Variants in RALYL observed in about 807,000 individuals in gnomAD.
The protein encoded by RALYL is RALY RNA binding protein like, also known as RNA-binding Raly-like protein.
In RALYL, 29 loss-of-function variants were observed where a neutral mutation model predicts 35.1. That is an observed-to-expected ratio of 0.83 (90% CI 0.61 to 1.13). The LOEUF (loss-of-function observed/expected upper bound fraction) is 1.13, where lower values mean the gene tolerates loss of function less well. Among genes scored for constraint, RALYL ranks in the 50% most tolerant of loss-of-function variants. The probability of loss-of-function intolerance (pLI) is 0.00; values close to 1 mark genes in which losing one functional copy is unlikely to be tolerated. For missense variants in RALYL, 359 were observed against 360.4 expected, an observed-to-expected ratio of 1.00 and a Z score of 0.03; for synonymous variants, 120 against 127.6, an observed-to-expected ratio of 0.94 and a Z score of 0.40.
intron 2 of RALYL, among the ~76,000 whole-genome samples, chr8:84,651,660 A>G (rs991439153): frequency 6.6e-6 from 1 of 152,074 alleles, no homozygotes; most frequent in African/African-American, 2.4e-5. Flanking sequence ...AATTGACAAA[A>G]GTTAAGGTGC....
In RALYL at chr8:84,728,894, G is replaced by A. The variant is rs1373590207; in HGVS notation, c.257-45685G>A. ...TTACTGTAGCCTTGTAGTGTGGTTTGAAGTCAGGTAGCGTGATGCCTCCAG... is the reference window on the plus strand; with the variant it reads ...TTACTGTAGCCTTGTAGTGTGGTTTAAAGTCAGGTAGCGTGATGCCTCCAG... On this transcript the variant is annotated intron_variant, in intron 2 of 8. Coordinates refer to ENST00000521268, the MANE Select transcript of RALYL (RefSeq NM_173848.7). Among the ~76,000 whole-genome samples the A allele has an allele frequency of 2.6e-5, 4 of 152,176 alleles. No homozygotes were observed. The East Asian group carries it at 7.7e-4, about 29-fold the overall frequency.
intron 1 of RALYL, among the ~76,000 whole-genome samples, chr8:84,365,220 G>A (rs183717891): frequency 2.5e-3 from 375 of 152,216 alleles, no homozygotes; most frequent in African/African-American, 7.4e-3. Flanking sequence ...GGGCATACAT[G>A]TATGATACAT....
At chr8:84,244,528 T>C (rs1828682442) in intron 1 of RALYL, among the ~76,000 whole-genome samples, 1 of 152,200 alleles carries the variant, frequency 6.6e-6, no homozygotes. Context: ...GTCACATTTC[T>C]TTAAGCTATT....
intron 2 of RALYL, among the ~76,000 whole-genome samples, chr8:84,603,712 C>A (rs1588453946): frequency 1.3e-5 from 2 of 152,198 alleles, no homozygotes. Flanking sequence ...AAAAAACAGA[C>A]CTAAATAATA....
chr8:84,778,584 G>A (rs1313951904), intron 3 of RALYL, among the ~76,000 whole-genome samples: 2 of 152,204 alleles, frequency 1.3e-5, no homozygotes, highest in Non-Finnish European at 2.9e-5. Context: ...AAAGGAAGAA[G>A]ACAACACTTG....
chr8:84,805,959 G>A (rs567009423), intron 4 of RALYL, among the ~76,000 whole-genome samples: 1 of 152,238 alleles, frequency 6.6e-6, no homozygotes, highest in South Asian at 2.1e-4. Context: ...TCATATATAG[G>A]CAGCCACAAT....
Position 84,190,266 on chromosome 8 carries a change from A to G in RALYL, c.-24+5842A>G, listed in dbSNP as rs549625281. ...TAACACCTCACAATTTTACTGTTAC[A>G]CATATTTGTATGTGACATTTATCAA... is the stretch of plus-strand genomic sequence containing the variant. On this transcript the variant is annotated intron_variant, in intron 1 of 8. Coordinates refer to ENST00000521268, the MANE Select transcript of RALYL (RefSeq NM_173848.7). Among the ~76,000 whole-genome samples, 4 of 152,312 alleles carry G rather than the reference A, an allele frequency of 2.6e-5. No individual in the cohort carries two copies. The South Asian group carries it at 8.3e-4, about 32-fold the overall frequency.
chr8:84,427,366 TG>T (rs1023289855), intron 1 of RALYL, among the ~76,000 whole-genome samples: 2 of 152,186 alleles, frequency 1.3e-5, no homozygotes, highest in Non-Finnish European at 2.9e-5. Context: ...CATTAGTGAT[TG>T]GGAATTTGGT....
chr8:84,622,384 C>T lies in RALYL; in HGVS notation c.256+92807C>T, dbSNP rs562695379. Reference sequence around the variant, plus strand: ...TGTGATTTTCTTTGAGCTCAGAATTCAGCCTCAGATATGAGCATCGTTTAC... The same window carrying T: ...TGTGATTTTCTTTGAGCTCAGAATTTAGCCTCAGATATGAGCATCGTTTAC... On this transcript the variant is annotated intron_variant, in intron 2 of 8. Transcript: ENST00000521268. Among the ~76,000 whole-genome samples the T allele has an allele frequency of 2.4e-3, 366 of 152,258 alleles. 4 individuals are homozygous for T. The highest frequency in any genetic ancestry group is 8.6e-3 in the African/African-American group (356 of 41,546).
At chr8:84,652,538 A>T (rs1004228875) in intron 2 of RALYL, among the ~76,000 whole-genome samples, 1 of 152,038 alleles carries the variant, frequency 6.6e-6, no homozygotes, top group East Asian at 1.9e-4. Flanking sequence ...CTATGTCCCT[A>T]TCTGTGCTTA....
chr8:84,436,668 A>G (rs567242042), intron 1 of RALYL, among the ~76,000 whole-genome samples: 3 of 145,866 alleles, frequency 2.1e-5, no homozygotes, highest in East Asian at 2.1e-4. Context: ...TTATTGGGGT[A>G]TAATTGATAT....
chr8:84,919,009 T>A (rs1291563881), intron 8 of RALYL, among the ~76,000 whole-genome samples: 1 of 152,070 alleles, frequency 6.6e-6, no homozygotes, highest in African/African-American at 2.4e-5. Context: ...AGGTTGTTTT[T>A]TTCATCTTAA....
intron 2 of RALYL, among the ~76,000 whole-genome samples, chr8:84,549,751 G>C (rs1411176141): frequency 6.6e-6 from 1 of 152,170 alleles, no homozygotes; most frequent in African/African-American, 2.4e-5. Context: ...ATCCAGTCTA[G>C]GGTAGGGAGG....
chr8:84,655,102 C>T (rs1829703951), intron 2 of RALYL, among the ~76,000 whole-genome samples: 1 of 152,016 alleles, frequency 6.6e-6, no homozygotes, highest in South Asian at 2.1e-4. Flanking sequence ...CACCAGGATT[C>T]ATTATTGCCT....
intron 2 of RALYL, among the ~76,000 whole-genome samples, chr8:84,734,559 T>C (rs1187617456): frequency 6.6e-6 from 1 of 152,120 alleles, no homozygotes; most frequent in African/African-American, 2.4e-5. Context: ...AAACAGAATT[T>C]TAGAAGCAAT....
chr8:84,517,053 T>C (rs1055595479), intron 1 of RALYL, among the ~76,000 whole-genome samples: 11 of 152,180 alleles, frequency 7.2e-5, no homozygotes, highest in African/African-American at 2.7e-4. Context: ...ATTGTAATGG[T>C]ATCAAATTTG....
chr8:84,665,151 C>A (rs747293798), intron 2 of RALYL, among the ~76,000 whole-genome samples: 1 of 151,846 alleles, frequency 6.6e-6, no homozygotes, highest in Non-Finnish European at 1.5e-5. Context: ...TATGTTGAAC[C>A]AACCTTGCAT....
chr8:84,415,115 G>A (rs1013899993), intron 1 of RALYL, among the ~76,000 whole-genome samples: 1 of 147,648 alleles, frequency 6.8e-6, no homozygotes, highest in Non-Finnish European at 1.5e-5. Flanking sequence ...ATTGAAATTA[G>A]CATTAAGGCA....
At chr8:84,474,944 G>A (rs575159512) in intron 1 of RALYL, among the ~76,000 whole-genome samples, 73 of 140,080 alleles carry the variant, frequency 5.2e-4, no homozygotes, top group Admixed American at 2.3e-3. Flanking sequence ...TAAGTTCTAG[G>A]GTACATGGGC....
Sources: allele counts gnomAD v4.1 joint callset (sites outside exome capture counted in the v4.1 genomes callset), GRCh38; gene constraint gnomAD v4.1.1; transcripts MANE v1.5; gene names NCBI Gene and HGNC (gene_info 2026-07-23, HGNC 2026-07-21).